WDFY3: variants seen among roughly 807,000 people sequenced by gnomAD.
WDFY3 encodes the protein WD repeat and FYVE domain-containing protein 3.
In WDFY3, 66 loss-of-function variants were observed where a neutral mutation model predicts 409.6. That is an observed-to-expected ratio of 0.16 (90% CI 0.13 to 0.20). WDFY3 has a LOEUF of 0.20. WDFY3 is among the 10% of genes least tolerant of loss of function. The pLI, the probability that WDFY3 is intolerant of heterozygous loss-of-function variation, is 1.00. For synonymous variants in WDFY3, 1,521 were observed against 1,537.1 expected, an observed-to-expected ratio of 0.99 and a Z score of 0.25; for missense variants, 3,031 against 4,298.1, an observed-to-expected ratio of 0.71 and a Z score of 8.24.
chr4:84,948,445 T>C (rs1296324837), intron 1 of WDFY3, among the ~76,000 whole-genome samples: 2 of 152,144 alleles, frequency 1.3e-5, no homozygotes, highest in Admixed American at 6.5e-5. Flanking sequence ...AAAAGATACT[T>C]AGTAGTTCAT....
At chr4:84,756,773 C>T (rs1741539659) in intron 33 of WDFY3, among the ~76,000 whole-genome samples, 153 bp downstream of exon 33, 1 of 151,928 alleles carries the variant, frequency 6.6e-6, no homozygotes, top group South Asian at 2.1e-4. Context: ...GGAAAATTTT[C>T]TGTGGTATTT....
chr4:84,772,927 A>C lies in WDFY3; in HGVS notation c.4757T>G (p.Phe1586Cys), dbSNP rs1335157489. The C allele has an allele frequency of 6.3e-7, 1 of 1,599,070 alleles. No homozygotes were observed. The highest frequency in any genetic ancestry group is 1.8e-5 in the Admixed American group (1 of 56,694). The change falls in exon 30 of 68, where the codon TTT becomes TGT. Residue 1586 changes from phenylalanine to cysteine, a missense_variant and splice_region_variant. By Grantham distance (205) the Phe-to-Cys change is radical (BLOSUM62 -2). Around this residue, in one of 16 missense-constraint regions of WDFY3, gnomAD observed 342 missense variants for 463.7 expected, o/e 0.74. Transcript: ENST00000295888. ...CAAAGTAGAAGAAATAAACTGCCCA[A>C]ATCTTTAAACAAAGGAAAACAAGAT... Reference protein sequence around the residue: ...GFPSSNDLLRFGQFISSTLPT... With the variant: ...GFPSSNDLLRCGQFISSTLPT...
chr4:84,681,240 G>C (rs1727298100), intron 64 of WDFY3, among the ~76,000 whole-genome samples: 1 of 152,008 alleles, frequency 6.6e-6, no homozygotes, highest in Non-Finnish European at 1.5e-5. Flanking sequence ...TTTCCACCCT[G>C]AATTTGACCC....
intron 2 of WDFY3, among the ~76,000 whole-genome samples, chr4:84,909,029 T>TAC (rs145818813): frequency 0.073 from 10,999 of 149,868 alleles, 526 homozygotes; most frequent in Admixed American, 0.13. Context: ...CACGTATCCA[T>TAC]ACACACACAC....
chr4:84,906,870 G>A (rs1307961883), intron 2 of WDFY3, among the ~76,000 whole-genome samples: 3 of 151,546 alleles, frequency 2.0e-5, no homozygotes, highest in Non-Finnish European at 4.4e-5. Context: ...GCCCAGGGAA[G>A]CCCAAAGATT....
At position 84,753,753 on chromosome 4, in the gene WDFY3, G is replaced by T; in HGVS notation, c.5683C>A (p.Leu1895Met). ...AAGACGGTGGCTGCTAATGCACACA[G>T]GAAGTCAGGGCTCATCCACATGGAG... is the stretch of plus-strand genomic sequence containing the variant. ...LASMWMSPDF[L>M]CALAATVFPF... is the part of the protein sequence containing the mutation. Residue 1895 changes from leucine to methionine, a missense_variant, in exon 35 of 68, where the codon CTG becomes ATG. By Grantham distance (15) the Leu-to-Met change is conservative. Around this residue, in one of 16 missense-constraint regions of WDFY3, gnomAD observed 342 missense variants for 463.7 expected, o/e 0.74. Transcript: ENST00000295888. 6.2e-7 allele frequency: 1 copy of T among 1,610,078 alleles called. No homozygotes were observed. Among genetic ancestry groups the T allele is most frequent in the South Asian group, 1.1e-5 (1 of 90,682 alleles).
At chr4:84,863,406 C>A (rs1388727057) in intron 3 of WDFY3, among the ~76,000 whole-genome samples, 2 of 152,182 alleles carry the variant, frequency 1.3e-5, no homozygotes, top group African/African-American at 4.8e-5. Flanking sequence ...GGCCAACATT[C>A]TCGCCACTCT....
intron 3 of WDFY3, among the ~76,000 whole-genome samples, chr4:84,876,523 C>T (rs1762807349): frequency 3.9e-5 from 6 of 152,078 alleles, no homozygotes; most frequent in Admixed American, 3.9e-4. Flanking sequence ...CACAAGTGCT[C>T]AGTAAGAGAG....
intron 53 of WDFY3, among the ~76,000 whole-genome samples, chr4:84,708,403 T>A (rs1009032186): frequency 1.3e-5 from 2 of 152,252 alleles, no homozygotes; most frequent in Non-Finnish European, 2.9e-5. Flanking sequence ...TAGCCAGTAC[T>A]CAGTAAGTGG....
chr4:84,942,096 C>A (rs182351979), intron 1 of WDFY3, among the ~76,000 whole-genome samples: 51 of 152,086 alleles, frequency 3.4e-4, no homozygotes, highest in African/African-American at 1.1e-3. Context: ...TATAAAACTT[C>A]CAGAGGAAAA....
chr4:84,678,423 C>T, intron 65 of WDFY3, 144 bp from the exon 66 acceptor site: 1 of 595,522 alleles, frequency 1.7e-6, no homozygotes, highest in East Asian at 2.8e-5. Flanking sequence ...CAGCTGCTGC[C>T]TTGGTTGAAA....
intron 3 of WDFY3, among the ~76,000 whole-genome samples, chr4:84,883,375 A>C (rs1175698376): frequency 3.3e-5 from 5 of 152,218 alleles, no homozygotes; most frequent in African/African-American, 7.2e-5. Context: ...TTCTGGGGAA[A>C]TAAGTAACTG....
At chr4:84,810,992 T>G (rs1752398161) in intron 13 of WDFY3, among the ~76,000 whole-genome samples, 1 of 152,154 alleles carries the variant, frequency 6.6e-6, no homozygotes, top group Non-Finnish European at 1.5e-5. Context: ...TAACTTAGCT[T>G]ATGATTTTTT....
At chr4:84,786,755 C>G (rs1002128179) in intron 23 of WDFY3, among the ~76,000 whole-genome samples, 8 of 152,180 alleles carry the variant, frequency 5.3e-5, no homozygotes, top group Non-Finnish European at 4.4e-5. Context: ...GGGCTCAGAA[C>G]AGCTACATCC....
chr4:84,809,762 T>A, intron 14 of WDFY3, 125 bp downstream of exon 14: 1 of 900,848 alleles, frequency 1.1e-6, no homozygotes, highest in Non-Finnish European at 1.6e-6. Flanking sequence ...GTGATACACT[T>A]CAAACAAATA....
intron 7 of WDFY3, among the ~76,000 whole-genome samples, chr4:84,833,714 A>G (rs562502534): frequency 2.6e-4 from 39 of 148,866 alleles, no homozygotes; most frequent in Non-Finnish European, 5.3e-4. Flanking sequence ...AAGAGAACAG[A>G]ACAGAAGAGA....
Position 84,696,051 on chromosome 4 carries a change from C to T in WDFY3, c.8820G>A (p.Val2940=), listed in dbSNP as rs1231967501. The T allele has an allele frequency of 1.9e-6, 3 of 1,613,980 alleles. No homozygotes were observed. The highest frequency in any genetic ancestry group is 2.5e-6 in the Non-Finnish European group (3 of 1,180,022). The change falls in exon 58 of 68, where the codon GTG becomes GTA. Residue 2940 remains valine (V), a synonymous_variant. Coordinates refer to ENST00000295888, the MANE Select transcript of WDFY3 (RefSeq NM_014991.6). ...VFHHLFYEGQ[V]DIYNINDPLK... The stretch of plus-strand genomic sequence containing the variant: ...GTGGGTCATTGATGTTGTAGATATC[C>T]ACTTGACCCTCATAAAAAAGATGAT...
intron 2 of WDFY3, among the ~76,000 whole-genome samples, chr4:84,903,380 C>T (rs1027670739): frequency 2.6e-5 from 4 of 152,092 alleles, no homozygotes; most frequent in Admixed American, 1.3e-4. Context: ...AATGCAGTAG[C>T]GCAATCTCAG....
chr4:84,679,931 C>T lies in WDFY3; in HGVS notation c.9824-689G>A, dbSNP rs150715899. ...TTTGAGACAGAATCTTGCTGTGTCA[C>T]CCAGGCTGGAGTGCAGTGGCATGAT... On this transcript the variant is annotated intron_variant, in intron 64 of 67. Coordinates refer to ENST00000295888, the MANE Select transcript of WDFY3 (RefSeq NM_014991.6). Among the ~76,000 whole-genome samples, 349 of 151,962 alleles carry T rather than the reference C, an allele frequency of 2.3e-3. 1 individual carries two copies. Among genetic ancestry groups the T allele is most frequent in the African/African-American group, 7.9e-3 (326 of 41,420 alleles).
Sources: gnomAD v4.1 joint callset for allele counts (sites outside exome capture counted in the v4.1 genomes callset) on GRCh38, gnomAD v4.1.1 for gene constraint, gnomAD v4.1.1 regional missense constraint, MANE v1.5 for transcripts, NCBI Gene and HGNC (gene_info 2026-07-23, HGNC 2026-07-21) for gene names.